Variants in CSMD1 observed in about 807,000 individuals in gnomAD.
CSMD1 encodes the protein CUB and sushi domain-containing protein 1.
In CSMD1, 213 loss-of-function variants were observed where a neutral mutation model predicts 417.5. The ratio of observed to expected loss-of-function variants is 0.51; its 90% CI spans 0.46 to 0.57. The LOEUF (loss-of-function observed/expected upper bound fraction) is 0.57, where lower values mean the gene tolerates loss of function less well. CSMD1 is among the 20% of genes least tolerant of loss of function. CSMD1 has a pLI of 0.00. For synonymous variants in CSMD1, 2,862 were observed against 1,736.8 expected (o/e 1.65, Z -16.11); for missense variants, 6,923 against 4,529.7 (o/e 1.53, Z -15.17).
At chr8:3,965,855 A>G (rs1422424606) in intron 5 of CSMD1, among the ~76,000 whole-genome samples, 1 of 152,086 alleles carries the variant, frequency 6.6e-6, no homozygotes, top group Non-Finnish European at 1.5e-5. Flanking sequence ...TTGACCTCAT[A>G]CTGTGCCAGC....
intron 5 of CSMD1, among the ~76,000 whole-genome samples, chr8:3,930,288 G>C (rs912873360): frequency 6.7e-6 from 1 of 150,260 alleles, no homozygotes; most frequent in Non-Finnish European, 1.5e-5. Context: ...ACTTCTCTTA[G>C]AAGCAAACTT....
chr8:3,520,880 G>C (rs1479240870), intron 10 of CSMD1, among the ~76,000 whole-genome samples: 1 of 152,058 alleles, frequency 6.6e-6, no homozygotes. Context: ...TGTCACCCTT[G>C]TGTCTAGCAC....
In CSMD1 at chr8:4,127,202, C is replaced by A. The variant is rs563822036; in HGVS notation, c.416-95103G>T. ...TCCTGCTATCCCTGGAGGTGGCTGT[C>A]CGGCCCCCTCCAGGATCAAACCCAT... On this transcript the variant is annotated intron_variant, in intron 3 of 69. Coordinates refer to ENST00000635120, the MANE Select transcript of CSMD1 (RefSeq NM_033225.6). Among the ~76,000 whole-genome samples, 50 of 152,136 alleles carry A rather than the reference C, an allele frequency of 3.3e-4. No homozygotes were observed. The South Asian group carries it at 7.5e-3, about 23-fold the overall frequency.
intron 5 of CSMD1, among the ~76,000 whole-genome samples, chr8:3,806,580 C>T (rs1023174961): frequency 6.6e-6 from 1 of 152,178 alleles, no homozygotes; most frequent in African/African-American, 2.4e-5. Context: ...TAAACTCCTG[C>T]AGAGCTTCTT....
intron 1 of CSMD1, among the ~76,000 whole-genome samples, chr8:4,833,195 G>A (rs535626411): frequency 6.6e-6 from 1 of 152,276 alleles, no homozygotes; most frequent in South Asian, 2.1e-4. Flanking sequence ...ATGTGAGACT[G>A]GGTAATTTAT....
intron 2 of CSMD1, among the ~76,000 whole-genome samples, chr8:4,554,345 C>A (rs1040677124): frequency 6.6e-6 from 1 of 152,096 alleles, no homozygotes; most frequent in South Asian, 2.1e-4. Context: ...CCATGTTGCC[C>A]ACGCTGGTCT....
chr8:3,789,956 C>A (rs1346074339), intron 5 of CSMD1, among the ~76,000 whole-genome samples: 1 of 152,104 alleles, frequency 6.6e-6, no homozygotes, highest in Non-Finnish European at 1.5e-5. Flanking sequence ...TGGTCTCGAT[C>A]TCCTGACCTT....
chr8:3,347,975 G>A lies in CSMD1; in HGVS notation c.3474+17C>T, dbSNP rs1332483506. On this transcript the variant is annotated intron_variant, in intron 22 of 69. Transcript: ENST00000635120. ...AAGAAAACTTGGAGTCATCATGTTGGAGAAGATTCTTTTTACCTTTAGAGT... is the reference window on the plus strand; with the variant it reads ...AAGAAAACTTGGAGTCATCATGTTGAAGAAGATTCTTTTTACCTTTAGAGT... 3.2e-6 allele frequency: 5 copies of A among 1,539,516 alleles called. No homozygotes were observed. In the African/African-American group the frequency reaches 5.6e-5, roughly 17 times the overall value.
intron 12 of CSMD1, among the ~76,000 whole-genome samples, chr8:3,458,118 G>A (rs889606002): frequency 4.6e-5 from 7 of 152,208 alleles, no homozygotes; most frequent in East Asian, 3.9e-4. Flanking sequence ...CTTAACCTCC[G>A]TGTCATTTCC....
intron 3 of CSMD1, among the ~76,000 whole-genome samples, chr8:4,134,866 T>C (rs970705180): frequency 1.3e-5 from 2 of 152,242 alleles, no homozygotes; most frequent in African/African-American, 4.8e-5. Flanking sequence ...CAATTGCTCC[T>C]AGAATAAAGT....
chr8:4,937,228 A>ATAAC lies in CSMD1; in HGVS notation c.85+57103_85+57104insGTTA, dbSNP rs1807679322. ...GCCCTGTCTCAAAATAAATAAATAA[A>ATAAC]TAAAATTATTTTTTATAAATATAAG... On this transcript the variant is annotated intron_variant, in intron 1 of 69. Transcript: ENST00000635120. 2.6e-5 allele frequency among the ~76,000 whole-genome samples: 4 copies of ATAAC among 151,982 alleles called. No individual in the cohort carries two copies. The South Asian group carries it at 8.3e-4, about 32-fold the overall frequency.
intron 16 of CSMD1, among the ~76,000 whole-genome samples, chr8:3,398,889 C>T (rs1811863170): frequency 6.6e-6 from 1 of 152,136 alleles, no homozygotes; most frequent in Non-Finnish European, 1.5e-5. Context: ...AGCCAAGCAA[C>T]ATTCTAGTGA....
intron 3 of CSMD1, among the ~76,000 whole-genome samples, chr8:4,391,532 G>C (rs965861142): frequency 6.6e-6 from 1 of 152,060 alleles, no homozygotes; most frequent in Non-Finnish European, 1.5e-5. Flanking sequence ...CACAACCACT[G>C]CATCAACCAG....
At chr8:4,020,469 G>C (rs1040620636) in intron 4 of CSMD1, among the ~76,000 whole-genome samples, 1 of 152,152 alleles carries the variant, frequency 6.6e-6, no homozygotes, top group African/African-American at 2.4e-5. Flanking sequence ...TTGGTTATGT[G>C]ACCGCTAGGG....
chr8:4,386,136 C>T (rs1007446154), intron 3 of CSMD1, among the ~76,000 whole-genome samples: 5 of 152,140 alleles, frequency 3.3e-5, no homozygotes, highest in African/African-American at 4.8e-5. Context: ...TCAAACCTTC[C>T]GTCCCTGGTT....
At chr8:4,908,823 C>T (rs1196509615) in intron 1 of CSMD1, among the ~76,000 whole-genome samples, 2 of 152,164 alleles carry the variant, frequency 1.3e-5, no homozygotes, top group Admixed American at 6.5e-5. Context: ...CCCATTAGCA[C>T]TCTAAGCATA....
At chr8:3,554,226 A>G (rs529064436) in intron 10 of CSMD1, among the ~76,000 whole-genome samples, 2 of 152,354 alleles carry the variant, frequency 1.3e-5, no homozygotes, top group African/African-American at 4.8e-5. Flanking sequence ...GTTTTTCTTT[A>G]TAAGAACAGT....
chr8:4,640,026 A>G (rs1780752248), intron 1 of CSMD1, among the ~76,000 whole-genome samples: 1 of 152,226 alleles, frequency 6.6e-6, no homozygotes, highest in African/African-American at 2.4e-5. Context: ...ACTTGATTAT[A>G]AATTGGAAAA....
At chr8:4,531,540 G>A (rs1343331085) in intron 2 of CSMD1, among the ~76,000 whole-genome samples, 2 of 152,106 alleles carry the variant, frequency 1.3e-5, no homozygotes, top group East Asian at 1.9e-4. Flanking sequence ...TTGGAAGGAA[G>A]GTGTAACTAC....
Sources: gnomAD v4.1 joint callset for allele counts (sites outside exome capture counted in the v4.1 genomes callset) on GRCh38, gnomAD v4.1.1 for gene constraint, MANE v1.5 for transcripts, NCBI Gene and HGNC (gene_info 2026-07-23, HGNC 2026-07-21) for gene names.